Variants in ERAP1 observed in about 807,000 individuals in gnomAD.
ERAP1 encodes the protein endoplasmic reticulum aminopeptidase 1, also known as adipocyte-derived leucine aminopeptidase.
Under a neutral mutation model 103.7 loss-of-function variants are expected in ERAP1, and 86 were observed. That is an observed-to-expected ratio of 0.83 (90% CI 0.70 to 0.99). ERAP1 has a LOEUF of 0.99. Ranked by LOEUF, ERAP1 falls within the 50% of genes least tolerant of loss-of-function variation. The pLI, the probability that ERAP1 is intolerant of heterozygous loss-of-function variation, is 0.00. For missense variants in ERAP1, 1,009 were observed against 1,128.4 expected, an observed-to-expected ratio of 0.89 and a Z score of 1.52; for synonymous variants, 398 against 402.4, an observed-to-expected ratio of 0.99 and a Z score of 0.13.
At chr5:96,891,201 TA>T in the ERAP1 span, among the ~76,000 whole-genome samples, 2 of 152,222 alleles carry the variant, frequency 1.3e-5, no homozygotes, top group South Asian at 4.1e-4. Context: ...TTCAAACTTT[TA>T]AAAAATTATC....
the ERAP1 span, among the ~76,000 whole-genome samples, chr5:96,819,719 C>G: frequency 6.6e-6 from 1 of 152,132 alleles, no homozygotes; most frequent in African/African-American, 2.4e-5. Context: ...TAATCACCCT[C>G]AAGGAAGGTT....
the ERAP1 span, chr5:96,814,436 G>C: frequency 5.0e-6 from 2 of 403,940 alleles, no homozygotes; most frequent in African/African-American, 4.1e-5. Context: ...TATAATCTTA[G>C]GATTGGCATA....
chr5:96,912,752 A>C, the ERAP1 span: 2 of 1,601,250 alleles, frequency 1.2e-6, no homozygotes, highest in African/African-American at 1.4e-5. Context: ...ACAAAACAAA[A>C]TTCTGTATGC....
the ERAP1 span, among the ~76,000 whole-genome samples, chr5:96,930,981 A>G: frequency 1.3e-5 from 2 of 152,144 alleles, no homozygotes; most frequent in African/African-American, 2.4e-5. Context: ...TGCAGGCTGG[A>G]CTGGGCAAAG....
In ERAP1 at chr5:96,797,308, A is replaced by C; in HGVS notation, c.665T>G (p.Val222Gly). Residue 222 changes from valine (V) to glycine (G), a missense_variant and splice_region_variant, in exon 4 of 19, where the codon GTG becomes GGG. Physicochemically the swap from Val to Gly is moderately radical, Grantham distance 109. This residue lies in a region of ERAP1 where 392 missense variants were observed against 455.2 expected (regional missense o/e 0.86). Coordinates refer to ENST00000443439, the MANE Select transcript of ERAP1 (RefSeq NM_001040458.3). ...RHLAISNMPLVKSVTVAEGLI... is the reference protein window; with the variant it reads ...RHLAISNMPLGKSVTVAEGLI... ...TCCTTCAGCAACAGTCACAGATTTC[A>C]CCTAAAATCAGAATAATTCAAATTA... The C allele has an allele frequency of 6.2e-7, 1 of 1,613,802 alleles. No individual in the cohort carries two copies. Among genetic ancestry groups the C allele is most frequent in the Admixed American group, 1.7e-5 (1 of 59,944 alleles).
At chr5:96,900,435 T>C in the ERAP1 span, among the ~76,000 whole-genome samples, 1 of 152,170 alleles carries the variant, frequency 6.6e-6, no homozygotes, top group Admixed American at 6.5e-5. Flanking sequence ...GCTAAAAATA[T>C]CTCAGCGCAA....
the ERAP1 span, among the ~76,000 whole-genome samples, chr5:96,863,413 A>G: frequency 2.6e-5 from 4 of 152,102 alleles, no homozygotes; most frequent in African/African-American, 9.7e-5. Flanking sequence ...TTTCTGTGTC[A>G]TCCAATTCAG....
At chr5:96,832,001 GA>G in the ERAP1 span, among the ~76,000 whole-genome samples, 1 of 152,148 alleles carries the variant, frequency 6.6e-6, no homozygotes. Context: ...TATTGTTTCT[GA>G]ATAATGAGAG....
chr5:96,795,320 G>C (rs752286339), intron 4 of ERAP1, among the ~76,000 whole-genome samples, 158 bp from the exon 5 acceptor site: 6 of 152,154 alleles, frequency 3.9e-5, no homozygotes, highest in Non-Finnish European at 8.8e-5. Context: ...AATACTGACT[G>C]TTCCTGATTA....
At chr5:96,850,286 A>G in the ERAP1 span, among the ~76,000 whole-genome samples, 1 of 152,292 alleles carries the variant, frequency 6.6e-6, no homozygotes, top group East Asian at 1.9e-4. Context: ...AAAGGCAACA[A>G]CAGAGTGAAG....
intron 15 of ERAP1, 35 bp downstream of exon 15, chr5:96,783,016 C>T (rs367623264): frequency 6.8e-5 from 109 of 1,607,036 alleles, no homozygotes; most frequent in Non-Finnish European, 8.9e-5. Flanking sequence ...AGATGCCCTT[C>T]ACATCAACAA....
chr5:96,834,603 T>G, the ERAP1 span, among the ~76,000 whole-genome samples: 1 of 152,172 alleles, frequency 6.6e-6, no homozygotes, highest in Non-Finnish European at 1.5e-5. Context: ...TAAAATGAAC[T>G]ACTGGAAGAA....
upstream of ERAP1, among the ~76,000 whole-genome samples, chr5:96,813,022 G>T (rs1779237919): frequency 6.6e-6 from 1 of 152,064 alleles, no homozygotes; most frequent in Non-Finnish European, 1.5e-5. Flanking sequence ...TAAACTTATG[G>T]GTTTGAACTA....
chr5:96,767,655 A>G (rs183924754), intron 19 of ERAP1, among the ~76,000 whole-genome samples: 8 of 152,314 alleles, frequency 5.3e-5, no homozygotes, highest in African/African-American at 1.7e-4. Flanking sequence ...AGTCTTCACA[A>G]AAGCCCTTTA....
intron 1 of ERAP1, chr5:96,804,672 G>C (rs1204292136): frequency 6.5e-6 from 1 of 153,206 alleles, no homozygotes; most frequent in Admixed American, 6.5e-5. Context: ...TTCAGGCCAG[G>C]CATGGTGGCT....
the ERAP1 span, chr5:96,909,269 CT>C: frequency 1.4e-6 from 1 of 726,040 alleles, no homozygotes; most frequent in Non-Finnish European, 2.3e-6. Flanking sequence ...GACCCTTGTT[CT>C]TTACCATTGC....
the ERAP1 span, chr5:96,814,083 T>G: frequency 3.1e-6 from 1 of 327,156 alleles, no homozygotes; most frequent in African/African-American, 2.2e-5. Flanking sequence ...GTAGTTTCTG[T>G]GGGCTGCAAT....
upstream of ERAP1, among the ~76,000 whole-genome samples, chr5:96,809,121 G>C (rs944677260): frequency 6.6e-6 from 1 of 152,214 alleles, no homozygotes; most frequent in Non-Finnish European, 1.5e-5. Context: ...GAGCTGGTGA[G>C]ACCGTAGCAG....
chr5:96,769,062 C>G (rs1488033962), intron 19 of ERAP1: 1 of 152,188 alleles, frequency 6.6e-6, no homozygotes, highest in African/African-American at 2.4e-5. Flanking sequence ...GGCATTTTCC[C>G]TCAAGCTACA....
Sources: allele counts gnomAD v4.1 joint callset (sites outside exome capture counted in the v4.1 genomes callset), GRCh38; gene constraint gnomAD v4.1.1; regional missense constraint gnomAD v4.1.1; transcripts MANE v1.5; gene names NCBI Gene and HGNC (gene_info 2026-07-23, HGNC 2026-07-21).